The following RPE65 variants were observed in gnomAD, a reference collection of about 807,000 sequenced individuals.
The protein encoded by RPE65 is retinoid isomerohydrolase RPE65.
RPE65 carries 58 observed loss-of-function variants against 68.5 expected under a neutral mutation model. That is an observed-to-expected ratio of 0.85 (90% confidence interval 0.69 to 1.05). The LOEUF (loss-of-function observed/expected upper bound fraction) is 1.05, where lower values mean the gene tolerates loss of function less well. Among genes scored for constraint, RPE65 ranks in the 50% least tolerant of loss-of-function variants. RPE65 has a pLI of 0.00. For missense variants in RPE65, 643 were observed against 629.9 expected, an observed-to-expected ratio of 1.02 and a Z score of -0.22; for synonymous variants, 220 against 222.2, an observed-to-expected ratio of 0.99 and a Z score of 0.09.
At chr1:68,436,617 C>A (rs960507356) in intron 10 of RPE65, among the ~76,000 whole-genome samples, 7 of 151,930 alleles carry the variant, frequency 4.6e-5, no homozygotes, top group Non-Finnish European at 1.0e-4. Context: ...TACAGGCATG[C>A]ACCACCATGC....
chr1:68,437,527 G>T (rs1163286289), intron 10 of RPE65, among the ~76,000 whole-genome samples: 1 of 152,128 alleles, frequency 6.6e-6, no homozygotes, highest in Non-Finnish European at 1.5e-5. Flanking sequence ...CCCCTTTTGT[G>T]CAACCAGGGA....
chr1:68,441,350 T>C (rs928248828), intron 5 of RPE65, among the ~76,000 whole-genome samples: 1 of 152,166 alleles, frequency 6.6e-6, no homozygotes, highest in African/African-American at 2.4e-5. Flanking sequence ...TTAGATTTAA[T>C]TGTATAAGAT....
At chr1:68,445,101 G>A (rs956718038) in intron 3 of RPE65, among the ~76,000 whole-genome samples, 1 of 152,156 alleles carries the variant, frequency 6.6e-6, no homozygotes, top group Non-Finnish European at 1.5e-5. Context: ...AAACCTCACA[G>A]ATGAGGAAAT....
intron 1 of RPE65, 42 bp from the exon 2 acceptor site, chr1:68,448,748 T>C (rs1488968255): frequency 6.4e-7 from 1 of 1,568,168 alleles, no homozygotes; most frequent in Non-Finnish European, 8.7e-7. Context: ...ATGTTGATGC[T>C]CAAAGTCCGC....
chr1:68,446,775 C>T lies in RPE65; in HGVS notation c.180G>A (p.Leu60=). Residue 60 remains leucine (L), a synonymous_variant, in exon 3 of 14, where the codon CTG becomes CTA. Transcript: ENST00000262340. The stretch of plus-strand genomic sequence containing the variant: ...TGTGCAGGAGGGCTTGCCCATCAAA[C>T]AGGTGGTAAAATGGCTCAGATCCAA... ...FEVGSEPFYH[L]FDGQALLHKF... is the part of the protein sequence containing the mutation. The T allele has an allele frequency of 6.2e-7, 1 of 1,614,186 alleles. No individual in the cohort carries two copies. The highest frequency in any genetic ancestry group is 1.1e-5 in the South Asian group (1 of 91,074).
chr1:68,440,793 CA>C, intron 6 of RPE65, 59 bp downstream of exon 6: 3 of 1,588,220 alleles, frequency 1.9e-6, no homozygotes, highest in Non-Finnish European at 2.6e-6. Flanking sequence ...TCTCACAATA[CA>C]GTAACTTTCT....
At chr1:68,449,259 C>T (rs901038807) in intron 1 of RPE65, among the ~76,000 whole-genome samples, 7 of 151,992 alleles carry the variant, frequency 4.6e-5, no homozygotes, top group African/African-American at 2.4e-5. Flanking sequence ...TCATATTATA[C>T]CATAATTTTT....
intron 5 of RPE65, among the ~76,000 whole-genome samples, chr1:68,442,641 T>C (rs1429615086): frequency 6.6e-6 from 1 of 152,218 alleles, no homozygotes; most frequent in African/African-American, 2.4e-5. Context: ...CATTTTACAG[T>C]GCTAGTAACA....
At chr1:68,447,923 C>T (rs1476680131) in intron 2 of RPE65, among the ~76,000 whole-genome samples, 1 of 152,154 alleles carries the variant, frequency 6.6e-6, no homozygotes, top group Non-Finnish European at 1.5e-5. Context: ...TTGAGAAGGG[C>T]AGTGATTGAC....
At chr1:68,438,790 A>G in intron 9 of RPE65, 152 bp downstream of exon 9, 3 of 1,015,590 alleles carry the variant, frequency 3.0e-6, no homozygotes, top group South Asian at 1.3e-5. Context: ...AGATTACCTA[A>G]ACTTCCTACT....
rs1189903735 is a variant in RPE65 at position 68,440,925 on chromosome 1, T to C, written c.571A>G (p.Asn191Asp). The change falls in exon 6 of 14, where the codon AAT (asparagine) becomes GAT (aspartate). Residue 191 changes from asparagine to aspartate, a missense_variant. Transcript: ENST00000262340. ...PHIENDGTVY[N>D]IGNCFGKNFS... Reference sequence around the variant, plus strand: ...TTTTTTCCAAAGCAATTACCAATATTGTAAACGGTTCCATCATTTTCAATG... The same window carrying C: ...TTTTTTCCAAAGCAATTACCAATATCGTAAACGGTTCCATCATTTTCAATG... 3.7e-6 allele frequency: 6 copies of C among 1,614,050 alleles called. No homozygotes were observed. Among genetic ancestry groups the C allele is most frequent in the Non-Finnish European group, 5.1e-6 (6 of 1,179,954 alleles).
chr1:68,435,887 A>G (rs1476384709), intron 10 of RPE65, among the ~76,000 whole-genome samples: 14 of 152,192 alleles, frequency 9.2e-5, no homozygotes, highest in Non-Finnish European at 1.0e-4. Context: ...CTCCATGAGA[A>G]CTAGAAGTGT....
intron 3 of RPE65, among the ~76,000 whole-genome samples, chr1:68,445,673 C>T (rs1645937695): frequency 1.3e-5 from 2 of 151,906 alleles, no homozygotes; most frequent in Non-Finnish European, 2.9e-5. Context: ...ACCACCACGC[C>T]CGGCTAATTT....
rs371106770 is a variant in RPE65, at chr1:68,440,834, G to A, written c.643+19C>T. On this transcript the variant is annotated intron_variant, in intron 6 of 13. Coordinates refer to ENST00000262340, the MANE Select transcript of RPE65 (RefSeq NM_000329.3). The stretch of plus-strand genomic sequence containing the variant: ...ATATAGACACTTATTTTCAGAAGAG[G>A]ACAGATTGGTAAACTCACCTGCTTG... 2.2e-5 allele frequency: 36 copies of A among 1,613,506 alleles called. No individual in the cohort carries two copies. Among genetic ancestry groups the A allele is most frequent in the Non-Finnish European group, 2.5e-5 (30 of 1,179,608 alleles).
rs777461552 is a variant in RPE65, at chr1:68,449,899, T to C, written c.7A>G (p.Ile3Val). The change falls in exon 1 of 14, where the codon ATC becomes GTC. Residue 3 changes from isoleucine to valine, a missense_variant. Ile to Val is a conservative substitution (Grantham distance 29). Transcript: ENST00000262340. MS[I>V]QVEHPAGGYK... ...AAGTCTCCCAGAGATACTTACTGGA[T>C]AGACATTTTCTTCCAGTTCAGGATC... The C allele has an allele frequency of 1.8e-5, 29 of 1,614,056 alleles. No homozygotes were observed. Among genetic ancestry groups the C allele is most frequent in the Non-Finnish European group, 2.4e-5 (28 of 1,180,028 alleles).
chr1:68,447,427 G>C (rs1274645504), intron 2 of RPE65, among the ~76,000 whole-genome samples: 1 of 152,164 alleles, frequency 6.6e-6, no homozygotes, highest in Non-Finnish European at 1.5e-5. Context: ...AGTCCACAGG[G>C]TTGGATGTCA....
chr1:68,431,406 C>T (rs773358979), intron 11 of RPE65, 30 bp from the exon 12 acceptor site: 1 of 1,612,864 alleles, frequency 6.2e-7, no homozygotes, highest in Non-Finnish European at 8.5e-7. Flanking sequence ...CTTAGGAAAA[C>T]TCTTAATCTC....
In RPE65 at chr1:68,439,218, A is replaced by T; in HGVS notation, c.831T>A (p.Asp277Glu). 6.2e-7 allele frequency: 1 copy of T among 1,614,120 alleles called. No individual in the cohort carries two copies. Among genetic ancestry groups the T allele is most frequent in the Non-Finnish European group, 8.5e-7 (1 of 1,179,958 alleles). ...SWSLWGANYM[D>E]CFESNETMGV... ...CCATGGTTTCATTGGACTCAAAACA[A>T]TCCATGTAGTTGGCTCCCCAAAGAC... The change falls in exon 8 of 14, where the codon GAT becomes GAA. Residue 277 changes from aspartate (D) to glutamate (E), a missense_variant. By Grantham distance (45) the Asp-to-Glu change is conservative. Coordinates refer to ENST00000262340, the MANE Select transcript of RPE65 (RefSeq NM_000329.3).
chr1:68,442,453 T>C (rs1645910210), intron 5 of RPE65, among the ~76,000 whole-genome samples: 1 of 152,208 alleles, frequency 6.6e-6, no homozygotes, highest in Non-Finnish European at 1.5e-5. Context: ...ACAAAGACCT[T>C]CGCTTGGACT....
Sources: gnomAD v4.1 joint callset for allele counts (sites outside exome capture counted in the v4.1 genomes callset) on GRCh38, gnomAD v4.1.1 for gene constraint, MANE v1.5 for transcripts, NCBI Gene and HGNC (gene_info 2026-07-23, HGNC 2026-07-21) for gene names.